Variants in ADRA1A observed in about 807,000 individuals in gnomAD.
The protein encoded by ADRA1A is alpha-1A adrenergic receptor.
A neutral mutation model predicts 29.6 loss-of-function variants in ADRA1A; 31 were observed. The observed-to-expected ratio is 1.05, with a 90% CI of 0.79 to 1.41. The LOEUF (loss-of-function observed/expected upper bound fraction) is 1.41. Ranked by LOEUF, ADRA1A falls within the 40% of genes most tolerant of loss-of-function variation. The pLI, the probability that ADRA1A is intolerant of heterozygous loss-of-function variation, is 0.00. For synonymous variants in ADRA1A, 311 were observed against 254.3 expected (o/e 1.22, Z -2.12); for missense variants, 619 against 601.1 (o/e 1.03, Z -0.31).
In ADRA1A at chr8:26,864,514, T is replaced by G. The variant is rs1467967905; in HGVS notation, c.456A>C (p.Ala152=). The change falls in exon 2 of 3, where the codon GCA becomes GCC. Residue 152 remains alanine, a synonymous_variant. Transcript: ENST00000380573. The surrounding 1 kb of genome is among the most constrained non-coding windows in gnomAD (Gnocchi z 8.1). The part of the protein sequence containing the change: ...RGLMALLCVW[A]LSLVISIGPL... ...GTCCAATGGATATGACCAGGGAGAG[T>G]GCCCAGACGCAGAGCAGAGCCATGA... 1.2e-6 allele frequency: 2 copies of G among 1,613,074 alleles called. No individual in the cohort carries two copies. The highest frequency in any genetic ancestry group is 3.3e-5 in the Admixed American group (2 of 59,958).
chr8:26,784,610 T>C lies in ADRA1A; in HGVS notation c.884-13944A>G, dbSNP rs112069506. On this transcript the variant is annotated intron_variant, in intron 2 of 2. Coordinates refer to ENST00000380573, the MANE Select transcript of ADRA1A (RefSeq NM_000680.4). Reference sequence around the variant, plus strand: ...AAATGAAAATAATGAGACTCACTATTGTTGTTTATTCAGATTTGATTTTGG... The same window carrying C: ...AAATGAAAATAATGAGACTCACTATCGTTGTTTATTCAGATTTGATTTTGG... Among the ~76,000 whole-genome samples, 683 of 152,322 alleles carry C rather than the reference T, an allele frequency of 4.5e-3. 4 individuals carry two copies. Among genetic ancestry groups the C allele is most frequent in the Non-Finnish European group, 7.8e-3 (529 of 68,034 alleles).
chr8:26,772,883 A>ACACACACACG lies in ADRA1A; in HGVS notation c.884-2218_884-2217insCGTGTGTGTG, dbSNP rs79239280. ...TTCACACACACACACACACACACAC[A>ACACACACACG]ATGGGTGTTTATTTGGAAAACATGT... On this transcript the variant is annotated intron_variant, in intron 2 of 2. Coordinates refer to ENST00000380573, the MANE Select transcript of ADRA1A (RefSeq NM_000680.4). Among the ~76,000 whole-genome samples, 12 of 151,728 alleles carry ACACACACACG rather than the reference A, an allele frequency of 7.9e-5. No individual in the cohort carries two copies. The East Asian group carries it at 1.9e-3, about 25-fold the overall frequency.
In ADRA1A at chr8:26,771,260, C is replaced by T. The variant is rs139361216; in HGVS notation, c.884-594G>A. 8.2e-3 allele frequency among the ~76,000 whole-genome samples: 1,255 copies of T among 152,344 alleles called. 11 individuals are homozygous for T. The highest frequency in any genetic ancestry group is 0.011 in the Non-Finnish European group (735 of 68,030). On this transcript the variant is annotated intron_variant, in intron 2 of 2. Transcript: ENST00000380573. ...TGATGTCTTTTGATGTCACCGTTAG[C>T]TCCCTTTGTCAATATCCCTCGATGT... is the stretch of plus-strand genomic sequence containing the variant.
At chr8:26,756,348 A>C, downstream of ADRA1A, 1 of 1,025,138 alleles carries the variant, frequency 9.8e-7, no homozygotes, top group Non-Finnish European at 1.3e-6. Context: ...TTCCCCTTTT[A>C]AAAATGCCAT....
downstream of ADRA1A, among the ~76,000 whole-genome samples, chr8:26,755,016 A>C (rs1037756520): frequency 1.3e-5 from 2 of 152,226 alleles, no homozygotes; most frequent in African/African-American, 4.8e-5. Context: ...TTGTTTTTTA[A>C]AAACATGCTG....
At chr8:26,844,835 A>C (rs1812084396) in intron 2 of ADRA1A, among the ~76,000 whole-genome samples, 1 of 152,218 alleles carries the variant, frequency 6.6e-6, no homozygotes, top group Admixed American at 6.5e-5. Flanking sequence ...AGGGGTGTTC[A>C]ATCTTTTGGC....
At chr8:26,767,371 G>C (rs968430979), downstream of ADRA1A, among the ~76,000 whole-genome samples, 3 of 152,180 alleles carry the variant, frequency 2.0e-5, no homozygotes, top group African/African-American at 7.2e-5. Flanking sequence ...TAAAGGTACA[G>C]AGATTTAGGG....
At position 26,815,528 on chromosome 8, in the gene ADRA1A, G is replaced by C. The variant is rs1183628199; in HGVS notation, c.884-44862C>G. On this transcript the variant is annotated intron_variant, in intron 2 of 2. Transcript: ENST00000380573. This position sits in a 1 kb window ranked among gnomAD's most constrained non-coding sequence, Gnocchi z 4.2. ...CATCAGGACAGAAGATGAGGCCTTG[G>C]GCTTACATAAAATTGGAAGGAAAAT... is the stretch of plus-strand genomic sequence containing the variant. 6.6e-6 allele frequency among the ~76,000 whole-genome samples: 1 copy of C among 152,060 alleles called. No homozygotes were observed. Among genetic ancestry groups the C allele is most frequent in the African/African-American group, 2.4e-5 (1 of 41,388 alleles).
chr8:26,823,048 G>A lies in ADRA1A; in HGVS notation c.883+41039C>T, dbSNP rs1184470322. Among the ~76,000 whole-genome samples the A allele has an allele frequency of 6.6e-6, 1 of 152,052 alleles. No homozygotes were observed. Among genetic ancestry groups the A allele is most frequent in the African/African-American group, 2.4e-5 (1 of 41,380 alleles). On this transcript the variant is annotated intron_variant, in intron 2 of 2. Coordinates refer to ENST00000380573, the MANE Select transcript of ADRA1A (RefSeq NM_000680.4). This position sits in a 1 kb window ranked among gnomAD's most constrained non-coding sequence, Gnocchi z 4.2. ...ACAATTTGACATGAGATTTGGGTGG[G>A]GACACAGATCCAAACCATATCACAG... is the stretch of plus-strand genomic sequence containing the variant.
At chr8:26,793,024 T>C (rs554977877) in intron 2 of ADRA1A, among the ~76,000 whole-genome samples, 2 of 151,828 alleles carry the variant, frequency 1.3e-5, no homozygotes, top group Non-Finnish European at 2.9e-5. Context: ...TGGAAATATA[T>C]ACTAAGCCTA....
At chr8:26,826,268 C>T (rs994016678) in intron 2 of ADRA1A, among the ~76,000 whole-genome samples, 23 of 152,180 alleles carry the variant, frequency 1.5e-4, no homozygotes, top group African/African-American at 5.1e-4. Context: ...GTGTTTCTGA[C>T]TGGCAAGCAA....
chr8:26,853,482 T>C (rs1474428309), intron 2 of ADRA1A, among the ~76,000 whole-genome samples: 1 of 152,222 alleles, frequency 6.6e-6, no homozygotes, highest in Non-Finnish European at 1.5e-5. Flanking sequence ...AAATGTATTA[T>C]GCAACCACAG....
chr8:26,761,533 A>AG (rs1198493073), downstream of ADRA1A, among the ~76,000 whole-genome samples: 1 of 152,248 alleles, frequency 6.6e-6, no homozygotes, highest in African/African-American at 2.4e-5. Flanking sequence ...ATTGGGACAG[A>AG]GAAATGCAGA....
rs1393738106 is a variant in ADRA1A at position 26,805,009 on chromosome 8, A to C, written c.884-34343T>G. ...CACACATACACACATGCTCGTATGC[A>C]TGCACACACACAAACATACACCACT... On this transcript the variant is annotated intron_variant, in intron 2 of 2. Transcript: ENST00000380573. This position sits in a 1 kb window ranked among gnomAD's most constrained non-coding sequence, Gnocchi z 4.8. Among the ~76,000 whole-genome samples, 1 of 152,236 alleles carries C rather than the reference A, an allele frequency of 6.6e-6. No individual in the cohort carries two copies.
chr8:26,841,952 G>A lies in ADRA1A; in HGVS notation c.883+22135C>T, dbSNP rs893416266. Among the ~76,000 whole-genome samples the A allele has an allele frequency of 6.6e-6, 1 of 152,092 alleles. No homozygotes were observed. The highest frequency in any genetic ancestry group is 2.4e-5 in the African/African-American group (1 of 41,412). ...CCAAAACGTTGTGCAAGTTCTGCTT[G>A]TTTTTTCTTCTGCCTACTGATGCCA... On this transcript the variant is annotated intron_variant, in intron 2 of 2. Transcript: ENST00000380573. This position sits in a 1 kb window ranked among gnomAD's most constrained non-coding sequence, Gnocchi z 4.4.
At chr8:26,764,011 T>C (rs1805644273), downstream of ADRA1A, among the ~76,000 whole-genome samples, 1 of 152,132 alleles carries the variant, frequency 6.6e-6, no homozygotes, top group Non-Finnish European at 1.5e-5. Flanking sequence ...TAACAATGCC[T>C]CTTGGAAAAA....
Position 26,864,865 on chromosome 8 carries a change from G to A in ADRA1A, c.105C>T (p.Gly35=), listed in dbSNP as rs1348362089. The A allele has an allele frequency of 2.5e-6, 4 of 1,614,068 alleles. No individual in the cohort carries two copies. The Admixed American group carries it at 5.0e-5, about 20-fold the overall frequency. ...TACCCAGCACCCCGAAAAGAATGAG[G>A]CCCCCCAAGATCACCCCGAGCAGAA... The part of the protein sequence containing the change: ...KAILLGVILG[G]LILFGVLGNI... Residue 35 remains glycine (G), a synonymous_variant, in exon 2 of 3, where the codon GGC becomes GGT. Transcript: ENST00000380573. This position sits in a 1 kb window ranked among gnomAD's most constrained non-coding sequence, Gnocchi z 8.1.
At chr8:26,850,512 C>T (rs1812550330) in intron 2 of ADRA1A, among the ~76,000 whole-genome samples, 1 of 152,146 alleles carries the variant, frequency 6.6e-6, no homozygotes, top group Admixed American at 6.5e-5. Flanking sequence ...TTGTTGTTGT[C>T]AGAGACAAAG....
At chr8:26,867,298 A>G, upstream of ADRA1A, 1 of 985,468 alleles carries the variant, frequency 1.0e-6, no homozygotes, top group Non-Finnish European at 1.2e-6. Flanking sequence ...CCCAGCTAGT[A>G]CCGTAATCTC....
Sources: gnomAD v4.1 joint callset for allele counts (sites outside exome capture counted in the v4.1 genomes callset) on GRCh38, gnomAD v4.1.1 for gene constraint, Gnocchi (gnomAD v3.1) non-coding constraint, MANE v1.5 for transcripts, NCBI Gene and HGNC (gene_info 2026-07-23, HGNC 2026-07-21) for gene names.